IBTK: variants seen among roughly 807,000 people sequenced by gnomAD.
IBTK encodes the protein inhibitor of Bruton tyrosine kinase.
Under a neutral mutation model 154.9 loss-of-function variants are expected in IBTK, and 83 were observed. The ratio of observed to expected loss-of-function variants is 0.54; its 90% CI spans 0.45 to 0.64. IBTK has a LOEUF of 0.64. Ranked by LOEUF, IBTK falls within the 30% of genes least tolerant of loss-of-function variation. IBTK has a pLI of 0.00. For synonymous variants in IBTK, 515 were observed against 536.1 expected (o/e 0.96, Z 0.54); for missense variants, 1,332 against 1,584.6 (o/e 0.84, Z 2.71).
chr6:82,206,391 A>G (rs1582216401), intron 16 of IBTK, among the ~76,000 whole-genome samples: 1 of 152,166 alleles, frequency 6.6e-6, no homozygotes, highest in Non-Finnish European at 1.5e-5. Context: ...GGGGCAAACA[A>G]TTAGCAATAA....
At position 82,201,422 on chromosome 6, in the gene IBTK, C is replaced by T. The variant is rs202195033; in HGVS notation, c.2790G>A (p.Met930Ile). ...GAAAATCTTAAAACATAAACCTTAC[C>T]ATTTTCCGGTAAAACTCAGAAAGAT... ...LKDLSEFYRKMIPAMDRRVIT... is the reference protein window; with the variant it reads ...LKDLSEFYRKIIPAMDRRVIT... The change falls in exon 19 of 29, where the codon ATG (methionine) becomes ATA (isoleucine). Residue 930 changes from methionine (M) to isoleucine (I), a missense_variant and splice_region_variant. By Grantham distance (10) the Met-to-Ile change is conservative (BLOSUM62 1). Around this residue, in one of 3 missense-constraint regions of IBTK, gnomAD observed 1,134 missense variants for 1,274.7 expected, o/e 0.89. Coordinates refer to ENST00000306270, the MANE Select transcript of IBTK (RefSeq NM_015525.4). The T allele has an allele frequency of 1.2e-6, 2 of 1,605,530 alleles. No homozygotes were observed. Among genetic ancestry groups the T allele is most frequent in the African/African-American group, 1.3e-5 (1 of 74,638 alleles).
intron 21 of IBTK, among the ~76,000 whole-genome samples, chr6:82,198,317 C>T (rs4706937): frequency 0.24 from 36,255 of 152,020 alleles, 4,386 homozygotes; most frequent in African/African-American, 0.28. Flanking sequence ...TAAACACTAA[C>T]GGTAATTCAT....
intron 2 of IBTK, 55 bp from the exon 3 acceptor site, chr6:82,234,310 T>C: frequency 5.0e-6 from 3 of 599,000 alleles, no homozygotes; most frequent in East Asian, 3.9e-5. Flanking sequence ...TAATTACCTA[T>C]ATCATCAGTA....
chr6:82,224,950 C>A (rs1435652190), intron 6 of IBTK, among the ~76,000 whole-genome samples: 1 of 152,144 alleles, frequency 6.6e-6, no homozygotes, highest in Non-Finnish European at 1.5e-5. Flanking sequence ...CAAGTGCTTT[C>A]TTTCTTACTC....
chr6:82,189,591 G>A (rs1309079352), intron 25 of IBTK, among the ~76,000 whole-genome samples: 1 of 152,064 alleles, frequency 6.6e-6, no homozygotes, highest in Non-Finnish European at 1.5e-5. Context: ...CTGGAGAGAA[G>A]GGAAGACCTG....
chr6:82,183,182 G>A (rs1295295213), intron 25 of IBTK, among the ~76,000 whole-genome samples: 1 of 152,214 alleles, frequency 6.6e-6, no homozygotes, highest in African/African-American at 2.4e-5. Context: ...GGCCAAGGCA[G>A]GTGGATCGCT....
intron 26 of IBTK, chr6:82,175,128 G>C (rs536357399): frequency 6.8e-6 from 2 of 293,858 alleles, no homozygotes; most frequent in African/African-American, 4.5e-5. Flanking sequence ...GTGTCCACCA[G>C]AATACTTGGA....
chr6:82,196,477 CATATGCATTAAACAT>C lies in IBTK; in HGVS notation c.3026-46_3026-32del, dbSNP rs762271271. ...ACATGAAATTAAAAAAAATTAAACA[CATATGCATTAAACAT>C]ATATGCATTACATTCCATGAACCAG... On this transcript the variant is annotated intron_variant, in intron 21 of 28. Transcript: ENST00000306270. 4 of 1,492,008 alleles carry C rather than the reference CATATGCATTAAACAT, an allele frequency of 2.7e-6. No individual in the cohort carries two copies. In the South Asian group the frequency reaches 4.9e-5, roughly 18 times the overall value. The allele number at this position is 1,492,008 out of a possible 1,614,324, so 92.4% of individuals were successfully genotyped here.
intron 16 of IBTK, chr6:82,205,397 C>T (rs1444107765): frequency 6.6e-6 from 1 of 152,344 alleles, no homozygotes; most frequent in African/African-American, 2.4e-5. Flanking sequence ...AAATAATGCT[C>T]TTATGCTTTC....
rs780889890 is a variant in IBTK, at chr6:82,246,441, C to CTCTTTTT, written c.-358+1120_-358+1121insAAAAAGA. On this transcript the variant is annotated intron_variant, in intron 1 of 28. Transcript: ENST00000306270. ...CCCAGACTGCTGGGATTACAGGCAT[C>CTCTTTTT]TTTTTTTTTTTTTTTTTTTTTGAGA... is the stretch of plus-strand genomic sequence containing the variant. 1.9e-4 allele frequency among the ~76,000 whole-genome samples: 21 copies of CTCTTTTT among 111,680 alleles called. 1 individual carries two copies. Among genetic ancestry groups the CTCTTTTT allele is most frequent in the South Asian group, 6.0e-4 (2 of 3,360 alleles). 73.3% of individuals were successfully genotyped at this position (111,680 alleles called of 152,430 possible). A position where few individuals can be genotyped will look rare whatever the true frequency, so the allele number is the denominator to read the frequency against.
chr6:82,224,232 T>G, intron 6 of IBTK, 47 bp from the exon 7 acceptor site: 1 of 1,316,250 alleles, frequency 7.6e-7, no homozygotes, highest in Non-Finnish European at 1.1e-6. Flanking sequence ...ATTTATGACC[T>G]AGTACAATTT....
At position 82,216,172 on chromosome 6, in the gene IBTK, C is replaced by T. The variant is rs752460489; in HGVS notation, c.1505G>A (p.Arg502Gln). The change falls in exon 11 of 29, where the codon CGA (arginine) becomes CAA (glutamine). Residue 502 changes from arginine (R) to glutamine (Q), a missense_variant. Arg to Gln is a conservative substitution (Grantham distance 43). This residue lies in a region of IBTK where 1,134 missense variants were observed against 1,274.7 expected (regional missense o/e 0.89). Coordinates refer to ENST00000306270, the MANE Select transcript of IBTK (RefSeq NM_015525.4). The part of the protein sequence containing the change: ...SDINSVYERI[R>Q]LEKLTFAHRA... ...ATGTGCAAAGGTAAGTTTCTCAAGTCGAATTCTTTCATACACACTATTTAT... is the reference window on the plus strand; with the variant it reads ...ATGTGCAAAGGTAAGTTTCTCAAGTTGAATTCTTTCATACACACTATTTAT... The T allele has an allele frequency of 3.5e-5, 57 of 1,612,566 alleles. No individual in the cohort carries two copies. Among genetic ancestry groups the T allele is most frequent in the Non-Finnish European group, 4.5e-5 (53 of 1,179,000 alleles).
At chr6:82,235,345 C>G (rs1320262083) in intron 2 of IBTK, among the ~76,000 whole-genome samples, 2 of 152,202 alleles carry the variant, frequency 1.3e-5, no homozygotes, top group Non-Finnish European at 2.9e-5. Context: ...ACTATAATCC[C>G]AGCACTTTGG....
Position 82,171,019 on chromosome 6 carries a change from C to A in IBTK, c.*406G>T, listed in dbSNP as rs1310937709. 1 of 153,858 alleles carries A rather than the reference C, an allele frequency of 6.5e-6. No individual in the cohort carries two copies. Among genetic ancestry groups the A allele is most frequent in the Non-Finnish European group, 1.4e-5 (1 of 69,278 alleles). The allele number at this position is 153,858 out of a possible 1,614,324, so 9.5% of individuals were successfully genotyped here. On this transcript the variant is annotated 3_prime_UTR_variant, in exon 29 of 29. Transcript: ENST00000306270. The stretch of plus-strand genomic sequence containing the variant: ...ATAACTGATGCTCCTACTTTAAATT[C>A]ATCAATGCCATATTTAAGAAGTCAA...
intron 1 of IBTK, among the ~76,000 whole-genome samples, chr6:82,246,733 G>A (rs534658663): frequency 6.6e-6 from 1 of 152,204 alleles, no homozygotes; most frequent in East Asian, 1.9e-4. Context: ...AAAAGTTAAG[G>A]AATTCAAAAT....
intron 8 of IBTK, among the ~76,000 whole-genome samples, chr6:82,221,990 C>G (rs993427018): frequency 6.6e-6 from 1 of 151,966 alleles, no homozygotes; most frequent in East Asian, 1.9e-4. Context: ...AATGGAGAAA[C>G]CCCATCTCTA....
chr6:82,239,611 G>C (rs1770861694), intron 2 of IBTK, among the ~76,000 whole-genome samples: 1 of 124,028 alleles, frequency 8.1e-6, no homozygotes, highest in East Asian at 2.3e-4. Context: ...CCAGTAAACA[G>C]TAAAATGAAA....
At chr6:82,181,554 A>G (rs1768317747) in intron 26 of IBTK, among the ~76,000 whole-genome samples, 1 of 152,216 alleles carries the variant, frequency 6.6e-6, no homozygotes, top group South Asian at 2.1e-4. Flanking sequence ...AAGGGATTAC[A>G]AAGGGACATG....
In IBTK at chr6:82,204,967, A is replaced by G. The variant is rs765092028; in HGVS notation, c.2510-9T>C. The G allele has an allele frequency of 3.9e-6, 6 of 1,555,524 alleles. No homozygotes were observed. The highest frequency in any genetic ancestry group is 5.3e-6 in the Non-Finnish European group (6 of 1,139,390). ...ATCTACATTTTGAGATTCTAAAAAA[A>G]GAAAGAAAACAAGCATCACTTTTTC... On this transcript the variant is annotated splice_polypyrimidine_tract_variant and intron_variant, in intron 16 of 28. Coordinates refer to ENST00000306270, the MANE Select transcript of IBTK (RefSeq NM_015525.4).
Sources: gnomAD v4.1 joint callset for allele counts (sites outside exome capture counted in the v4.1 genomes callset) on GRCh38, gnomAD v4.1.1 for gene constraint, gnomAD v4.1.1 regional missense constraint, MANE v1.5 for transcripts, NCBI Gene and HGNC (gene_info 2026-07-23, HGNC 2026-07-21) for gene names.